MMP26: variants seen among roughly 807,000 people sequenced by gnomAD.
MMP26 encodes the protein matrix metalloproteinase-26.
In MMP26, 33 loss-of-function variants were observed where a neutral mutation model predicts 31.0. That is an observed-to-expected ratio of 1.06 (90% CI 0.81 to 1.42). The LOEUF is 1.42. Among genes scored for constraint, MMP26 ranks in the 40% most tolerant of loss-of-function variants. MMP26 has a pLI of 0.00. For synonymous variants in MMP26, 122 were observed against 114.9 expected (o/e 1.06, Z -0.40); for missense variants, 347 against 316.1 (o/e 1.10, Z -0.74).
chr11:4,896,878 C>A (rs1360941313), intron 2 of MMP26, among the ~76,000 whole-genome samples: 3 of 152,010 alleles, frequency 2.0e-5, no homozygotes, highest in African/African-American at 4.8e-5. Flanking sequence ...TCTTTTGAAA[C>A]TTTCCTACTA....
intron 1 of MMP26, chr11:4,710,970 C>T (rs1847855423): frequency 6.5e-6 from 1 of 152,814 alleles, no homozygotes; most frequent in African/African-American, 2.4e-5. Context: ...GCACAATAAG[C>T]AAGAAGTATT....
intron 1 of MMP26, among the ~76,000 whole-genome samples, chr11:4,755,868 A>G (rs1848498886): frequency 6.6e-6 from 1 of 152,092 alleles, no homozygotes; most frequent in East Asian, 1.9e-4. Context: ...AGAAAAAAAT[A>G]CTAGCATAAA....
chr11:4,723,021 C>T lies in MMP26; in HGVS notation c.-217+17976C>T, dbSNP rs113151320. ...CCATCCAGCAGCTTCCTGTAGGTGG[C>T]GATCTCGATATCCAGGGCCAGTTTG... On this transcript the variant is annotated intron_variant, in intron 1 of 7. Transcript: ENST00000380390. 688 of 967,794 alleles carry T rather than the reference C, an allele frequency of 7.1e-4. 5 individuals carry two copies. In the African/African-American group the frequency reaches 7.9e-3, roughly 11 times the overall value. The allele number at this position is 967,794 out of a possible 1,614,324, so 60.0% of individuals were successfully genotyped here.
At chr11:4,802,440 T>A (rs1005923380) in intron 2 of MMP26, among the ~76,000 whole-genome samples, 1 of 152,192 alleles carries the variant, frequency 6.6e-6, no homozygotes, top group Admixed American at 6.5e-5. Context: ...TCTGACAATA[T>A]CCTTTACAAT....
chr11:4,823,847 T>C (rs541266083), intron 2 of MMP26, among the ~76,000 whole-genome samples: 7 of 152,158 alleles, frequency 4.6e-5, no homozygotes, highest in Non-Finnish European at 1.0e-4. Context: ...CGAAAAATTA[T>C]TGGGCTGACT....
intron 2 of MMP26, among the ~76,000 whole-genome samples, chr11:4,772,263 T>A (rs1252059286): frequency 2.6e-5 from 4 of 152,166 alleles, no homozygotes; most frequent in Non-Finnish European, 1.5e-5. Flanking sequence ...ATTATGCATA[T>A]AAATAGAAAA....
chr11:4,923,338 G>C, intron 2 of MMP26: 1 of 1,516,266 alleles, frequency 6.6e-7, no homozygotes. Context: ...GAAACCTGTG[G>C]GCTTTATGTC....
At chr11:4,879,262 G>A (rs1406890783) in intron 2 of MMP26, among the ~76,000 whole-genome samples, 5 of 152,022 alleles carry the variant, frequency 3.3e-5, no homozygotes, top group African/African-American at 1.2e-4. Context: ...AAAAGCCAGG[G>A]TAGATTAGAT....
At chr11:4,846,839 T>C (rs1201620617) in intron 2 of MMP26, among the ~76,000 whole-genome samples, 1 of 152,248 alleles carries the variant, frequency 6.6e-6, no homozygotes, top group Admixed American at 6.5e-5. Context: ...GTAATTACTC[T>C]GTTAGTTAAC....
At chr11:4,930,718 A>G (rs1851335109) in intron 2 of MMP26, among the ~76,000 whole-genome samples, 1 of 152,084 alleles carries the variant, frequency 6.6e-6, no homozygotes, top group Admixed American at 6.6e-5. Flanking sequence ...AGGCTTGTTT[A>G]CTATACTTGC....
At chr11:4,957,738 A>C (rs1428755513) in intron 2 of MMP26, among the ~76,000 whole-genome samples, 1 of 151,144 alleles carries the variant, frequency 6.6e-6, no homozygotes. Context: ...GTTGGAGTGC[A>C]GTGGATCTCG....
At chr11:4,745,707 G>T (rs1848371023) in intron 1 of MMP26, among the ~76,000 whole-genome samples, 1 of 152,130 alleles carries the variant, frequency 6.6e-6, no homozygotes, top group South Asian at 2.1e-4. Context: ...TTCCATTGTA[G>T]TGTCATGCAG....
In MMP26 at chr11:4,783,155, G is replaced by A. The variant is rs189442016; in HGVS notation, c.-145+15814G>A. Among the ~76,000 whole-genome samples the A allele has an allele frequency of 6.6e-5, 10 of 152,296 alleles. No homozygotes were observed. The East Asian group carries it at 7.7e-4, about 12-fold the overall frequency. ...GATAGATCCACCAGTAGCTTGCACC[G>A]TGCTCCTGGAAAAGCTGCACTCAAC... On this transcript the variant is annotated intron_variant, in intron 2 of 7. Coordinates refer to ENST00000380390, the MANE Select transcript of MMP26 (RefSeq NM_021801.5).
At chr11:4,872,567 A>G (rs1407750143) in intron 2 of MMP26, among the ~76,000 whole-genome samples, 2 of 151,454 alleles carry the variant, frequency 1.3e-5, no homozygotes, top group Non-Finnish European at 2.9e-5. Context: ...TTCTTATCCT[A>G]GTGAGACTAG....
At chr11:4,794,464 G>A (rs77446995) in intron 2 of MMP26, among the ~76,000 whole-genome samples, 2,348 of 152,224 alleles carry the variant, frequency 0.015, 60 homozygotes, top group African/African-American at 0.053. Context: ...CTATGAGGTT[G>A]CAATCTTCCT....
At chr11:4,916,384 C>A (rs868252809) in intron 2 of MMP26, among the ~76,000 whole-genome samples, 22 of 124,328 alleles carry the variant, frequency 1.8e-4, no homozygotes, top group African/African-American at 6.5e-4. Flanking sequence ...CTGCCTCTTA[C>A]AAATAGATCT....
chr11:4,949,257 G>T (rs1846348500), intron 2 of MMP26, among the ~76,000 whole-genome samples: 1 of 121,498 alleles, frequency 8.2e-6, no homozygotes, highest in Admixed American at 9.4e-5. Flanking sequence ...AAAAATATGG[G>T]TTTTAGCAAT....
At chr11:4,820,095 C>G (rs750368148) in intron 2 of MMP26, among the ~76,000 whole-genome samples, 2 of 152,178 alleles carry the variant, frequency 1.3e-5, no homozygotes, top group Non-Finnish European at 2.9e-5. Context: ...TAGTATGTCT[C>G]TTTAAAATCA....
At chr11:4,897,565 G>T (rs10768352) in intron 2 of MMP26, among the ~76,000 whole-genome samples, 38,937 of 151,700 alleles carry the variant, frequency 0.26, 6,595 homozygotes, top group South Asian at 0.37. Context: ...CTTTGTTATA[G>T]CTTTCTCACT....
Sources: allele counts gnomAD v4.1 joint callset (sites outside exome capture counted in the v4.1 genomes callset), GRCh38; gene constraint gnomAD v4.1.1; transcripts MANE v1.5; gene names NCBI Gene and HGNC (gene_info 2026-07-23, HGNC 2026-07-21).